Variants in SPAG17 observed in about 807,000 individuals in gnomAD.
SPAG17 encodes the protein sperm associated antigen 17.
In SPAG17, 169 loss-of-function variants were observed where a neutral mutation model predicts 273.6. The ratio of observed to expected loss-of-function variants is 0.62; its 90% CI spans 0.55 to 0.70. The LOEUF (loss-of-function observed/expected upper bound fraction) is 0.70. Among genes scored for constraint, SPAG17 ranks in the 30% least tolerant of loss-of-function variants. The probability of loss-of-function intolerance (pLI) is 0.00; values close to 1 mark genes in which losing one functional copy is unlikely to be tolerated. For synonymous variants in SPAG17, 825 were observed against 873.2 expected (o/e 0.94, Z 0.97); for missense variants, 2,557 against 2,627.8 (o/e 0.97, Z 0.59).
At chr1:118,027,485 G>A (rs1319794289) in intron 26 of SPAG17, among the ~76,000 whole-genome samples, 1 of 152,174 alleles carries the variant, frequency 6.6e-6, no homozygotes, top group African/African-American at 2.4e-5. Context: ...CTGATGTTAT[G>A]TAATATTTAT....
At chr1:117,972,487 T>C (rs1381281256) in intron 44 of SPAG17, among the ~76,000 whole-genome samples, 1 of 152,228 alleles carries the variant, frequency 6.6e-6, no homozygotes, top group East Asian at 1.9e-4. Context: ...AAGTTCTTAG[T>C]GTTGGCAATG....
intron 24 of SPAG17, among the ~76,000 whole-genome samples, chr1:118,035,584 A>C (rs1648984370): frequency 6.6e-6 from 1 of 152,212 alleles, no homozygotes; most frequent in Admixed American, 6.5e-5. Flanking sequence ...CAAACTCAGT[A>C]GAGTACTAGG....
intron 45 of SPAG17, among the ~76,000 whole-genome samples, chr1:117,970,847 G>T (rs143961306): frequency 6.6e-6 from 1 of 152,278 alleles, no homozygotes; most frequent in Non-Finnish European, 1.5e-5. Context: ...CCGCACGAAT[G>T]AGTTTTATTA....
chr1:118,124,186 T>C (rs1657575305), intron 3 of SPAG17, among the ~76,000 whole-genome samples: 1 of 152,230 alleles, frequency 6.6e-6, no homozygotes, highest in African/African-American at 2.4e-5. Context: ...CAAACGATTC[T>C]ACTATCATGG....
intron 4 of SPAG17, among the ~76,000 whole-genome samples, chr1:118,108,153 T>C (rs551085026): frequency 2.0e-5 from 3 of 152,284 alleles, no homozygotes; most frequent in African/African-American, 4.8e-5. Context: ...GGTCTACTTA[T>C]TCCTCTCCTG....
At chr1:117,988,285 G>C in intron 38 of SPAG17, 81 bp from the exon 39 acceptor site, 6 of 1,016,394 alleles carry the variant, frequency 5.9e-6, no homozygotes, top group Non-Finnish European at 7.0e-6. Flanking sequence ...ACTCATTTGA[G>C]ATGCCTGTTA....
chr1:117,958,999 T>A, intron 48 of SPAG17: 1 of 1,613,698 alleles, frequency 6.2e-7, no homozygotes, highest in Non-Finnish European at 8.5e-7. Flanking sequence ...GTCAGCCAAG[T>A]CCGGGTAAGT....
At chr1:118,136,649 T>C (rs1368511176) in intron 3 of SPAG17, among the ~76,000 whole-genome samples, 1 of 152,124 alleles carries the variant, frequency 6.6e-6, no homozygotes, top group Non-Finnish European at 1.5e-5. Context: ...TAAAACAGGA[T>C]GCTGGCCCAG....
chr1:118,009,456 G>T (rs1181466298), intron 30 of SPAG17, among the ~76,000 whole-genome samples: 1 of 152,084 alleles, frequency 6.6e-6, no homozygotes, highest in African/African-American at 2.4e-5. Context: ...TTAAATTAAG[G>T]TTCAGAAGAG....
At chr1:117,998,510 T>G (rs1258181075) in intron 32 of SPAG17, among the ~76,000 whole-genome samples, 1 of 152,126 alleles carries the variant, frequency 6.6e-6, no homozygotes, top group East Asian at 1.9e-4. Flanking sequence ...TTTGTTCTTT[T>G]TGCTTAGGAT....
At chr1:117,994,579 A>G in intron 34 of SPAG17, 49 bp from the exon 35 acceptor site, 2 of 1,559,654 alleles carry the variant, frequency 1.3e-6, no homozygotes, top group Non-Finnish European at 1.7e-6. Flanking sequence ...GAAAGTACTC[A>G]GAGAAAATGA....
Position 117,983,554 on chromosome 1 carries a change from A to C in SPAG17, c.5872+257T>G, listed in dbSNP as rs544675238. 3.3e-5 allele frequency among the ~76,000 whole-genome samples: 5 copies of C among 152,362 alleles called. No individual in the cohort carries two copies. In the East Asian group the frequency reaches 9.6e-4, roughly 29 times the overall value. On this transcript the variant is annotated intron_variant, in intron 42 of 48. Coordinates refer to ENST00000336338, the MANE Select transcript of SPAG17 (RefSeq NM_206996.4). ...AGACCTTATGAATGTCTTGTTCCCC[A>C]GTGAACTTTCATTACTTCCTTGCTT... is the stretch of plus-strand genomic sequence containing the variant.
At chr1:118,049,543 C>T (rs6695038) in intron 20 of SPAG17, among the ~76,000 whole-genome samples, 16,193 of 152,156 alleles carry the variant, frequency 0.11, 2,357 homozygotes, top group African/African-American at 0.34. Context: ...TAAAAACTCT[C>T]AACAAAGTAG....
intron 29 of SPAG17, among the ~76,000 whole-genome samples, chr1:118,013,563 C>T (rs993227327): frequency 3.0e-4 from 46 of 152,096 alleles, no homozygotes; most frequent in Non-Finnish European, 1.2e-4. Flanking sequence ...GTCTGGTTTA[C>T]TCATCCACAA....
At chr1:118,062,883 T>A (rs1234431759) in intron 18 of SPAG17, among the ~76,000 whole-genome samples, 1 of 152,206 alleles carries the variant, frequency 6.6e-6, no homozygotes. Context: ...ATAGCCTCAG[T>A]AGTCCATAGA....
In SPAG17 at chr1:117,981,150, C is replaced by T. The variant is rs1320643999; in HGVS notation, c.6004+120G>A. ...TGCAAAGCTGCATAGCTCCAGGATC[C>T]GTGACCCTCTCGATTTTTTTCTGTA... On this transcript the variant is annotated intron_variant, in intron 43 of 48. Coordinates refer to ENST00000336338, the MANE Select transcript of SPAG17 (RefSeq NM_206996.4). 1.0e-5 allele frequency: 11 copies of T among 1,063,676 alleles called. No individual in the cohort carries two copies. In the Admixed American group the frequency reaches 1.2e-4, roughly 12 times the overall value. 65.9% of individuals were successfully genotyped at this position (1,063,676 alleles called of 1,614,324 possible).
intron 24 of SPAG17, among the ~76,000 whole-genome samples, chr1:118,032,301 A>C (rs916004783): frequency 1.3e-5 from 2 of 152,216 alleles, no homozygotes; most frequent in African/African-American, 4.8e-5. Context: ...ATAACCAAAC[A>C]TAAAGACTAC....
intron 32 of SPAG17, among the ~76,000 whole-genome samples, chr1:118,003,324 T>C (rs1373359960): frequency 6.6e-6 from 1 of 152,124 alleles, no homozygotes; most frequent in African/African-American, 2.4e-5. Flanking sequence ...TCTCGAGGAG[T>C]ATCTTTGTGA....
intron 48 of SPAG17, chr1:117,958,907 C>G: frequency 6.2e-7 from 1 of 1,611,646 alleles, no homozygotes; most frequent in Non-Finnish European, 8.5e-7. Context: ...GTTTTTCTAT[C>G]AGGATTCACT....
Sources: allele counts gnomAD v4.1 joint callset (sites outside exome capture counted in the v4.1 genomes callset), GRCh38; gene constraint gnomAD v4.1.1; transcripts MANE v1.5; gene names NCBI Gene and HGNC (gene_info 2026-07-23, HGNC 2026-07-21).